The following PTPRD variants were observed in gnomAD, a reference collection of about 807,000 sequenced individuals.
PTPRD encodes receptor-type tyrosine-protein phosphatase delta.
Under a neutral mutation model 214.5 loss-of-function variants are expected in PTPRD, and 34 were observed. That is an observed-to-expected ratio of 0.16 (90% confidence interval 0.12 to 0.21). The LOEUF (loss-of-function observed/expected upper bound fraction) is 0.21. Ranked by LOEUF, PTPRD falls within the 10% of genes least tolerant of loss-of-function variation. The pLI is 1.00. For synonymous variants in PTPRD, 1,128 were observed against 845.7 expected (o/e 1.33, Z -5.79); for missense variants, 2,545 against 2,398.7 (o/e 1.06, Z -1.27).
intron 2 of PTPRD, among the ~76,000 whole-genome samples, chr9:10,416,087 C>G (rs1027943410): frequency 6.6e-6 from 1 of 151,644 alleles, no homozygotes; most frequent in Non-Finnish European, 1.5e-5. Flanking sequence ...GTGGCTCATG[C>G]CTGTAATCCC....
chr9:10,612,129 A>T (rs2081167500), intron 2 of PTPRD, among the ~76,000 whole-genome samples: 1 of 151,794 alleles, frequency 6.6e-6, no homozygotes, highest in African/African-American at 2.4e-5. Context: ...ATAGCCCTTG[A>T]ACAATAAACG....
At chr9:9,121,306 A>G (rs2099817400) in intron 10 of PTPRD, among the ~76,000 whole-genome samples, 1 of 152,226 alleles carries the variant, frequency 6.6e-6, no homozygotes, top group African/African-American at 2.4e-5. Flanking sequence ...CAATTGATTG[A>G]GCAATGACAC....
chr9:9,236,282 G>A (rs2099966666), intron 9 of PTPRD, among the ~76,000 whole-genome samples: 1 of 151,868 alleles, frequency 6.6e-6, no homozygotes, highest in Non-Finnish European at 1.5e-5. Context: ...CACAAATAAG[G>A]AACAAAATTA....
chr9:10,556,450 G>A (rs916328985), intron 2 of PTPRD, among the ~76,000 whole-genome samples: 7 of 151,888 alleles, frequency 4.6e-5, no homozygotes. Context: ...TTTCTATAGG[G>A]CACATATATT....
chr9:8,507,963 C>T (rs916076433), intron 21 of PTPRD, among the ~76,000 whole-genome samples: 1 of 152,006 alleles, frequency 6.6e-6, no homozygotes, highest in African/African-American at 2.4e-5. Context: ...TTCTTACCAG[C>T]CCACATTTTG....
intron 10 of PTPRD, among the ~76,000 whole-genome samples, chr9:9,122,375 A>G (rs2099818414): frequency 6.6e-6 from 1 of 152,200 alleles, no homozygotes; most frequent in African/African-American, 2.4e-5. Flanking sequence ...AAAGATATAT[A>G]ATATTTCAAA....
At chr9:8,345,505 A>T (rs72710308) in intron 39 of PTPRD, among the ~76,000 whole-genome samples, 8,422 of 152,112 alleles carry the variant, frequency 0.055, 355 homozygotes, top group Non-Finnish European at 0.082. Flanking sequence ...AGGTTCCTAG[A>T]AAAGCTTTCT....
At chr9:9,094,106 C>T (rs1288287376) in intron 10 of PTPRD, among the ~76,000 whole-genome samples, 1 of 152,122 alleles carries the variant, frequency 6.6e-6, no homozygotes, top group Non-Finnish European at 1.5e-5. Flanking sequence ...CCAATGCTCA[C>T]TCAAGTGGAA....
chr9:9,879,720 G>C (rs987113528), intron 5 of PTPRD, among the ~76,000 whole-genome samples: 2 of 152,138 alleles, frequency 1.3e-5, no homozygotes, highest in African/African-American at 2.4e-5. Flanking sequence ...GAGGTGAGAT[G>C]TCTCTGAGAT....
At chr9:9,700,867 C>A (rs2097485186) in intron 7 of PTPRD, among the ~76,000 whole-genome samples, 1 of 151,934 alleles carries the variant, frequency 6.6e-6, no homozygotes, top group South Asian at 2.1e-4. Flanking sequence ...GTGGCTTCTG[C>A]CATCAAATAA....
intron 39 of PTPRD, among the ~76,000 whole-genome samples, chr9:8,365,237 T>C (rs112351227): frequency 2.6e-5 from 4 of 152,278 alleles, no homozygotes; most frequent in Admixed American, 1.3e-4. Context: ...GAATGAATCA[T>C]AGTCCTGTTT....
intron 5 of PTPRD, among the ~76,000 whole-genome samples, chr9:9,863,144 ATCTCT>A (rs2063165086): frequency 1.3e-5 from 2 of 152,160 alleles, no homozygotes; most frequent in Non-Finnish European, 2.9e-5. Flanking sequence ...AATTTGACAA[ATCTCT>A]TCACTTGAAA....
At chr9:9,010,859 T>C (rs148696603) in intron 11 of PTPRD, among the ~76,000 whole-genome samples, 82 of 152,292 alleles carry the variant, frequency 5.4e-4, no homozygotes, top group African/African-American at 1.9e-3. Flanking sequence ...ACATGTGAGA[T>C]GGGCTAGTGA....
chr9:9,120,853 G>A (rs534595749), intron 10 of PTPRD, among the ~76,000 whole-genome samples: 1 of 152,140 alleles, frequency 6.6e-6, no homozygotes, highest in African/African-American at 2.4e-5. Flanking sequence ...CGTTTCCAAG[G>A]GTTGGTATCA....
chr9:9,788,765 A>G (rs1270321576), intron 5 of PTPRD, among the ~76,000 whole-genome samples: 1 of 152,074 alleles, frequency 6.6e-6, no homozygotes, highest in Admixed American at 6.6e-5. Context: ...GTGATAACCA[A>G]ATCTGGCCAT....
intron 2 of PTPRD, among the ~76,000 whole-genome samples, chr9:10,577,704 A>G (rs980005545): frequency 3.9e-5 from 6 of 152,200 alleles, no homozygotes; most frequent in African/African-American, 7.2e-5. Flanking sequence ...ATGGTTAAGC[A>G]CTTACCTATA....
intron 32 of PTPRD, among the ~76,000 whole-genome samples, chr9:8,460,909 G>C (rs1483229300): frequency 6.6e-6 from 1 of 152,062 alleles, no homozygotes; most frequent in African/African-American, 2.4e-5. Context: ...GTTGCAAAAT[G>C]TTTAATGAAC....
chr9:10,340,758 A>G (rs2096923816), intron 3 of PTPRD, among the ~76,000 whole-genome samples: 1 of 151,932 alleles, frequency 6.6e-6, no homozygotes, highest in African/African-American at 2.4e-5. Context: ...AGATTCCATA[A>G]TTCACTTTGA....
intron 4 of PTPRD, among the ~76,000 whole-genome samples, chr9:9,979,931 T>C (rs2095483094): frequency 6.6e-6 from 1 of 152,170 alleles, no homozygotes; most frequent in Non-Finnish European, 1.5e-5. Flanking sequence ...AAAATCCAGT[T>C]ATGACACTGA....
Sources: allele counts gnomAD v4.1 joint callset (sites outside exome capture counted in the v4.1 genomes callset), GRCh38; gene constraint gnomAD v4.1.1; transcripts MANE v1.5; gene names NCBI Gene and HGNC (gene_info 2026-07-23, HGNC 2026-07-21).